Variants in TSHZ2 observed in about 807,000 individuals in gnomAD.
TSHZ2 encodes teashirt zinc finger homeobox 2.
A neutral mutation model predicts 74.4 loss-of-function variants in TSHZ2; 21 were observed. The observed-to-expected ratio is 0.28, with a 90% CI of 0.20 to 0.41. TSHZ2 has a LOEUF of 0.41. Ranked by LOEUF, TSHZ2 falls within the 10% of genes least tolerant of loss-of-function variation. TSHZ2 has a pLI of 1.00. For missense variants in TSHZ2, 1,244 were observed against 1,293.5 expected (o/e 0.96, Z 0.59); for synonymous variants, 540 against 515.3 (o/e 1.05, Z -0.65).
chr20:53,275,771 T>G lies in TSHZ2; in HGVS notation c.*8+19200T>G, dbSNP rs146416646. The stretch of plus-strand genomic sequence containing the variant: ...GGAGAAACCCCATCTCTACTAAAAG[T>G]ACAAAATTAGCCAGGCGCGGTGGCA... On this transcript the variant is annotated intron_variant, in intron 2 of 2. Coordinates refer to ENST00000371497, the MANE Select transcript of TSHZ2 (RefSeq NM_173485.6). Among the ~76,000 whole-genome samples the G allele has an allele frequency of 3.1e-3, 477 of 152,144 alleles. 1 individual carries two copies. Among genetic ancestry groups the G allele is most frequent in the African/African-American group, 0.011 (455 of 41,514 alleles).
At chr20:53,400,883 G>T (rs1162564941) in intron 2 of TSHZ2, among the ~76,000 whole-genome samples, 1 of 152,172 alleles carries the variant, frequency 6.6e-6, no homozygotes, top group Non-Finnish European at 1.5e-5. Flanking sequence ...CCCTCACACA[G>T]ACTCAAGAAT....
intron 1 of TSHZ2, among the ~76,000 whole-genome samples, chr20:53,007,871 T>A (rs1982703549): frequency 6.6e-6 from 1 of 152,080 alleles, no homozygotes; most frequent in African/African-American, 2.4e-5. Flanking sequence ...TAAAATAATT[T>A]AAAAAATAAT....
chr20:53,341,664 A>C (rs140576024), intron 2 of TSHZ2, among the ~76,000 whole-genome samples: 308 of 152,032 alleles, frequency 2.0e-3, no homozygotes, highest in Non-Finnish European at 3.4e-3. Flanking sequence ...TTCATTTCTT[A>C]GAACAGTTTT....
At position 53,001,205 on chromosome 20, in the gene TSHZ2, C is replaced by CGTGTGTGTGTGT. The variant is rs558621179; in HGVS notation, c.40+27911_40+27922dup. 3.9e-4 allele frequency among the ~76,000 whole-genome samples: 37 copies of CGTGTGTGTGTGT among 94,252 alleles called. No individual in the cohort carries two copies. In the South Asian group the frequency reaches 4.3e-3, roughly 11 times the overall value. The allele number at this position is 94,252 out of a possible 152,430, so 61.8% of individuals were successfully genotyped here. On this transcript the variant is annotated intron_variant, in intron 1 of 2. Transcript: ENST00000371497. The stretch of plus-strand genomic sequence containing the variant: ...ACAATGTTGTGTGTGCGTTCATGTG[C>CGTGTGTGTGTGT]GTGTGTGTGTGTGTGTGTGTGTGTG...
At chr20:53,002,809 T>C (rs1199707125) in intron 1 of TSHZ2, among the ~76,000 whole-genome samples, 1 of 152,146 alleles carries the variant, frequency 6.6e-6, no homozygotes, top group Non-Finnish European at 1.5e-5. Context: ...GACGTGTGTA[T>C]TAATAAATCA....
intron 1 of TSHZ2, among the ~76,000 whole-genome samples, chr20:53,044,684 C>T (rs1274548077): frequency 6.6e-6 from 1 of 152,122 alleles, no homozygotes; most frequent in South Asian, 2.1e-4. Flanking sequence ...GCAGACAGTG[C>T]TGCTTGTATG....
intron 2 of TSHZ2, among the ~76,000 whole-genome samples, chr20:53,450,537 G>A (rs6068546): frequency 0.33 from 49,856 of 151,962 alleles, 8,495 homozygotes; most frequent in Non-Finnish European, 0.35. Flanking sequence ...ATTTTTTTGA[G>A]GCAGGGCCTT....
chr20:53,475,153 T>C (rs1568934622), intron 2 of TSHZ2, among the ~76,000 whole-genome samples: 1 of 140,442 alleles, frequency 7.1e-6, no homozygotes, highest in African/African-American at 2.8e-5. Context: ...CTGCACCAAG[T>C]GGACCTAATG....
chr20:53,389,228 C>T (rs573344986), intron 2 of TSHZ2, among the ~76,000 whole-genome samples: 4 of 152,298 alleles, frequency 2.6e-5, no homozygotes, highest in African/African-American at 7.2e-5. Flanking sequence ...CATCAGCACT[C>T]GTAAAAATGA....
chr20:53,031,150 C>T (rs955067901), intron 1 of TSHZ2, among the ~76,000 whole-genome samples: 2 of 152,124 alleles, frequency 1.3e-5, no homozygotes, highest in Non-Finnish European at 2.9e-5. Flanking sequence ...AATGCTTTTG[C>T]TACTTATTGC....
rs571397986 is a variant in TSHZ2, at chr20:53,213,368, A to T, written c.41-40131A>T. ...GTCCTTGAAAAAAGCTGGTCCCTGAATTCCTTCTGCTGCTGCACCTGGATG... is the reference window on the plus strand; with the variant it reads ...GTCCTTGAAAAAAGCTGGTCCCTGATTTCCTTCTGCTGCTGCACCTGGATG... On this transcript the variant is annotated intron_variant, in intron 1 of 2. Transcript: ENST00000371497. Among the ~76,000 whole-genome samples, 23 of 152,270 alleles carry T rather than the reference A, an allele frequency of 1.5e-4. 1 individual carries two copies. The South Asian group carries it at 4.6e-3, about 30-fold the overall frequency.
intron 2 of TSHZ2, chr20:53,399,788 C>G (rs1231215758): frequency 6.6e-6 from 1 of 152,202 alleles, no homozygotes; most frequent in African/African-American, 2.4e-5. Context: ...GCCTGGCTGT[C>G]AGAAGGTCCC....
At chr20:53,414,392 G>A (rs1431380610) in intron 2 of TSHZ2, among the ~76,000 whole-genome samples, 1 of 152,204 alleles carries the variant, frequency 6.6e-6, no homozygotes, top group African/African-American at 2.4e-5. Flanking sequence ...GGCCAACGCA[G>A]AAGGATTGCT....
chr20:53,434,707 A>G (rs1274578250), intron 2 of TSHZ2, among the ~76,000 whole-genome samples: 2 of 152,240 alleles, frequency 1.3e-5, no homozygotes, highest in Non-Finnish European at 2.9e-5. Flanking sequence ...AAGCAAGCAG[A>G]CACCATTAGA....
intron 2 of TSHZ2, chr20:53,399,414 G>A (rs956457523): frequency 3.9e-5 from 6 of 152,386 alleles, no homozygotes; most frequent in African/African-American, 1.4e-4. Flanking sequence ...GATAGCAGGT[G>A]AGGAGGGTGG....
At chr20:53,426,631 C>T (rs371492972) in intron 2 of TSHZ2, among the ~76,000 whole-genome samples, 60 of 152,220 alleles carry the variant, frequency 3.9e-4, no homozygotes, top group African/African-American at 1.4e-3. Context: ...GAAGTTTCAG[C>T]GCGTTTTCTG....
intron 2 of TSHZ2, among the ~76,000 whole-genome samples, chr20:53,429,348 G>T (rs6022457): frequency 0.015 from 2,232 of 152,330 alleles, 63 homozygotes; most frequent in African/African-American, 0.05. Flanking sequence ...TGGTTTGGCT[G>T]TGTCCCCACC....
intron 2 of TSHZ2, among the ~76,000 whole-genome samples, chr20:53,276,944 C>T (rs1990959236): frequency 6.6e-6 from 1 of 152,210 alleles, no homozygotes; most frequent in South Asian, 2.1e-4. Flanking sequence ...AAAATCAAGT[C>T]AAACCAACAT....
intron 1 of TSHZ2, among the ~76,000 whole-genome samples, chr20:53,072,490 C>A (rs1408451785): frequency 1.3e-5 from 2 of 152,156 alleles, no homozygotes; most frequent in African/African-American, 4.8e-5. Context: ...CATTTGTAAG[C>A]TTGGAAAATA....
Sources: allele counts gnomAD v4.1 joint callset (sites outside exome capture counted in the v4.1 genomes callset), GRCh38; gene constraint gnomAD v4.1.1; transcripts MANE v1.5; gene names NCBI Gene and HGNC (gene_info 2026-07-23, HGNC 2026-07-21).